The following SLCO1A2 variants were observed in gnomAD, a reference collection of about 807,000 sequenced individuals.
SLCO1A2 encodes solute carrier organic anion transporter family member 1A2.
Under a neutral mutation model 69.0 loss-of-function variants are expected in SLCO1A2, and 67 were observed. The observed-to-expected ratio is 0.97, with a 90% CI of 0.80 to 1.19. SLCO1A2 has a LOEUF of 1.19. Among genes scored for constraint, SLCO1A2 ranks in the 50% most tolerant of loss-of-function variants. The pLI, the probability that SLCO1A2 is intolerant of heterozygous loss-of-function variation, is 0.00. For synonymous variants in SLCO1A2, 260 were observed against 265.9 expected (o/e 0.98, Z 0.22); for missense variants, 787 against 793.7 (o/e 0.99, Z 0.10).
intron 11 of SLCO1A2, among the ~76,000 whole-genome samples, chr12:21,292,840 G>A (rs79445965): frequency 0.038 from 5,829 of 151,852 alleles, 469 homozygotes; most frequent in East Asian, 0.35. Context: ...ATGATCCACC[G>A]GTCTCTGCCT....
intron 1 of SLCO1A2, among the ~76,000 whole-genome samples, chr12:21,413,389 G>A (rs1276143583): frequency 2.0e-5 from 3 of 151,440 alleles, no homozygotes; most frequent in South Asian, 2.1e-4. Context: ...CTACAGGCGC[G>A]CGCCACCATG....
At chr12:21,413,914 C>T (rs1941951114) in intron 1 of SLCO1A2, among the ~76,000 whole-genome samples, 1 of 152,164 alleles carries the variant, frequency 6.6e-6, no homozygotes, top group South Asian at 2.1e-4. Flanking sequence ...CCACAGCAGA[C>T]AGGCCTTGAA....
chr12:21,418,945 T>G (rs1005753835), upstream of SLCO1A2, among the ~76,000 whole-genome samples: 30 of 152,166 alleles, frequency 2.0e-4, 1 homozygote, highest in African/African-American at 6.8e-4. Flanking sequence ...GAATAATATT[T>G]AGTAGCACAC....
chr12:21,415,984 T>C (rs990738866), intron 1 of SLCO1A2, among the ~76,000 whole-genome samples: 4 of 152,146 alleles, frequency 2.6e-5, no homozygotes, highest in Non-Finnish European at 5.9e-5. Context: ...CTGCTACTGA[T>C]CCCATCTGCT....
chr12:21,400,541 G>T (rs1362595589), intron 1 of SLCO1A2, among the ~76,000 whole-genome samples: 1 of 152,028 alleles, frequency 6.6e-6, no homozygotes, highest in African/African-American at 2.4e-5. Flanking sequence ...ATACCCAAAC[G>T]ACTATAAATC....
At chr12:21,352,895 T>C (rs1321545182) in intron 2 of SLCO1A2, among the ~76,000 whole-genome samples, 1 of 152,216 alleles carries the variant, frequency 6.6e-6, no homozygotes, top group Non-Finnish European at 1.5e-5. Context: ...TCAATTTACA[T>C]TTAAAGTGAA....
At chr12:21,273,922 A>C (rs1015318123) in intron 14 of SLCO1A2, 1 of 152,246 alleles carries the variant, frequency 6.6e-6, no homozygotes, top group African/African-American at 2.4e-5. Context: ...CAAATTTCCG[A>C]ATGAAAAAGA....
chr12:21,305,503 G>T (rs1405390540), intron 5 of SLCO1A2, among the ~76,000 whole-genome samples: 1 of 152,172 alleles, frequency 6.6e-6, no homozygotes, highest in African/African-American at 2.4e-5. Flanking sequence ...CTATTTCTAG[G>T]TATTCAGATT....
chr12:21,319,388 C>G (rs763889298), intron 2 of SLCO1A2: 13 of 1,367,886 alleles, frequency 9.5e-6, no homozygotes, highest in Admixed American at 1.9e-5. Context: ...CGACTCCACT[C>G]TTTCCTGTTC....
rs918796186 is a variant in SLCO1A2 at position 21,284,509 on chromosome 12, A to G, written c.1610+7655T>C. On this transcript the variant is annotated intron_variant, in intron 12 of 14. Transcript: ENST00000683939. ...CTCAGCTCTGCACCAAGCGAACCTAATAGACATCTACAGAATTCTCCACCC... is the reference window on the plus strand; with the variant it reads ...CTCAGCTCTGCACCAAGCGAACCTAGTAGACATCTACAGAATTCTCCACCC... Among the ~76,000 whole-genome samples, 15 of 151,806 alleles carry G rather than the reference A, an allele frequency of 9.9e-5. No individual in the cohort carries two copies. The South Asian group carries it at 1.0e-3, about 11-fold the overall frequency.
In SLCO1A2 at chr12:21,333,968, A is replaced by T. The variant is rs377064194; in HGVS notation, c.60+620T>A. Among the ~76,000 whole-genome samples the T allele has an allele frequency of 9.2e-5, 14 of 152,156 alleles. 1 individual carries two copies. Among genetic ancestry groups the T allele is most frequent in the African/African-American group, 3.4e-4 (14 of 41,536 alleles). ...TGAGTGACAGTGTCTTAGTTTTGAA[A>T]CCACTTGCAGGCACTAGCTATAGAA... On this transcript the variant is annotated intron_variant, in intron 2 of 14. Coordinates refer to ENST00000683939, the MANE Select transcript of SLCO1A2 (RefSeq NM_001386879.1).
At chr12:21,398,112 T>C (rs1941543550), upstream of SLCO1A2, among the ~76,000 whole-genome samples, 1 of 143,034 alleles carries the variant, frequency 7.0e-6, no homozygotes. Context: ...ATCAACAAAA[T>C]TGATAGACCA....
At chr12:21,299,643 A>C (rs183083884) in intron 8 of SLCO1A2, among the ~76,000 whole-genome samples, 1 of 150,690 alleles carries the variant, frequency 6.6e-6, no homozygotes, top group East Asian at 1.9e-4. Context: ...ACTACCTATT[A>C]AGATTAGAGT....
chr12:21,379,513 T>C (rs894289923), intron 1 of SLCO1A2: 4 of 152,248 alleles, frequency 2.6e-5, no homozygotes, highest in African/African-American at 9.6e-5. Context: ...ATTATTTCTT[T>C]TGTTTAACAA....
chr12:21,290,609 A>G (rs1413856657), intron 12 of SLCO1A2, among the ~76,000 whole-genome samples: 2 of 152,190 alleles, frequency 1.3e-5, no homozygotes, highest in African/African-American at 4.8e-5. Flanking sequence ...TCGGAGAAAA[A>G]TAACACTGGA....
intron 4 of SLCO1A2, 32 bp from the exon 5 acceptor site, chr12:21,307,020 TAAGA>T: frequency 6.8e-7 from 1 of 1,467,132 alleles, no homozygotes; most frequent in Non-Finnish European, 9.5e-7. Flanking sequence ...GAGTTTATTT[TAAGA>T]AAGTAATGAG....
In SLCO1A2 at chr12:21,297,492, G is replaced by C; in HGVS notation, c.987C>G (p.Phe329Leu). The part of the protein sequence containing the change: ...MLFILVSVIQ[F>L]NAFVNMISFM... ...AGGAGATCATGTTAACGAATGCATT[G>C]AACTGTATCACACTTACAAGTATGA... Residue 329 changes from phenylalanine to leucine, a missense_variant, in exon 9 of 15, where the codon TTC (phenylalanine) becomes TTG (leucine). Coordinates refer to ENST00000683939, the MANE Select transcript of SLCO1A2 (RefSeq NM_001386879.1). 6.2e-7 allele frequency: 1 copy of C among 1,611,076 alleles called. No individual in the cohort carries two copies. Among genetic ancestry groups the C allele is most frequent in the Non-Finnish European group, 8.5e-7 (1 of 1,177,658 alleles).
intron 12 of SLCO1A2, among the ~76,000 whole-genome samples, chr12:21,282,146 GCT>G (rs1944913446): frequency 2.7e-5 from 4 of 149,156 alleles, no homozygotes; most frequent in Non-Finnish European, 4.4e-5. Context: ...AAAACTAAAG[GCT>G]AATATCACTG....
chr12:21,338,080 CTG>C (rs1952948548), upstream of SLCO1A2, among the ~76,000 whole-genome samples: 4 of 152,148 alleles, frequency 2.6e-5, no homozygotes, highest in South Asian at 8.3e-4. Flanking sequence ...AACCTGAATT[CTG>C]TGTTTAGGGG....
Sources: gnomAD v4.1 joint callset for allele counts (sites outside exome capture counted in the v4.1 genomes callset) on GRCh38, gnomAD v4.1.1 for gene constraint, MANE v1.5 for transcripts, NCBI Gene and HGNC (gene_info 2026-07-23, HGNC 2026-07-21) for gene names.